The following PEX14 variants were observed in gnomAD, a reference collection of about 807,000 sequenced individuals.
The protein encoded by PEX14 is peroxisomal biogenesis factor 14.
Under a neutral mutation model 49.5 loss-of-function variants are expected in PEX14, and 15 were observed. That is an observed-to-expected ratio of 0.30 (90% CI 0.20 to 0.47). The LOEUF (loss-of-function observed/expected upper bound fraction) is 0.47. PEX14 is among the 20% of genes least tolerant of loss of function. The probability of loss-of-function intolerance (pLI) is 1.00; values close to 1 mark genes in which losing one functional copy is unlikely to be tolerated. For missense variants in PEX14, 398 were observed against 494.8 expected (o/e 0.80, Z 1.86); for synonymous variants, 210 against 212.7 (o/e 0.99, Z 0.11).
chr1:10,554,720 C>CTTTTTT (rs58060040), intron 3 of PEX14, among the ~76,000 whole-genome samples: 1 of 148,890 alleles, frequency 6.7e-6, no homozygotes, highest in Non-Finnish European at 1.5e-5. Flanking sequence ...GCTTTTTTTT[C>CTTTTTT]TTTTTTTTTT....
At chr1:10,485,115 TGTGA>T (rs1439913449) in intron 1 of PEX14, among the ~76,000 whole-genome samples, 2 of 151,638 alleles carry the variant, frequency 1.3e-5, no homozygotes, top group African/African-American at 2.4e-5. Flanking sequence ...TCTGGGCTAC[TGTGA>T]GTATTTGTGT....
intron 3 of PEX14, among the ~76,000 whole-genome samples, chr1:10,549,937 C>T (rs976310891): frequency 6.6e-6 from 1 of 152,102 alleles, no homozygotes; most frequent in African/African-American, 2.4e-5. Flanking sequence ...TTCATTCATC[C>T]ACCACCCATC....
rs1247393766 is a variant in PEX14 at position 10,512,566 on chromosome 1, C to T, written c.84+17245C>T. Among the ~76,000 whole-genome samples the T allele has an allele frequency of 6.6e-6, 1 of 152,140 alleles. No individual in the cohort carries two copies. Among genetic ancestry groups the T allele is most frequent in the Non-Finnish European group, 1.5e-5 (1 of 68,040 alleles). On this transcript the variant is annotated intron_variant, in intron 2 of 8. Coordinates refer to ENST00000356607, the MANE Select transcript of PEX14 (RefSeq NM_004565.3). The surrounding 1 kb of genome is among the most constrained non-coding windows in gnomAD (Gnocchi z 4.6). ...CTGCACTGGCGTCGGTGGTTATATT[C>T]CACATTTGTCAAATCCTTAAATCCA... is the stretch of plus-strand genomic sequence containing the variant.
At chr1:10,506,680 T>C (rs982235748) in intron 2 of PEX14, among the ~76,000 whole-genome samples, 1 of 152,228 alleles carries the variant, frequency 6.6e-6, no homozygotes. Context: ...TCAAATTAGG[T>C]GTGAGCGAGA....
intron 3 of PEX14, among the ~76,000 whole-genome samples, chr1:10,543,474 C>T (rs1420332023): frequency 6.6e-6 from 1 of 152,004 alleles, no homozygotes; most frequent in African/African-American, 2.4e-5. Context: ...GCAGTGGGCA[C>T]AGAGAGAAAA....
At chr1:10,517,739 C>T (rs1182976187) in intron 2 of PEX14, among the ~76,000 whole-genome samples, 1 of 148,238 alleles carries the variant, frequency 6.7e-6, no homozygotes, top group Non-Finnish European at 1.5e-5. Context: ...GAGAGGCTAG[C>T]ATTGTCAGAG....
chr1:10,614,346 T>A (rs1641352457), intron 4 of PEX14, among the ~76,000 whole-genome samples: 1 of 152,142 alleles, frequency 6.6e-6, no homozygotes, highest in Non-Finnish European at 1.5e-5. Context: ...TCATTAATAA[T>A]GAAAACCAGG....
At position 10,623,801 on chromosome 1, in the gene PEX14, G is replaced by A. The variant is rs919417943; in HGVS notation, c.488-539G>A. 6.6e-6 allele frequency among the ~76,000 whole-genome samples: 1 copy of A among 152,232 alleles called. No individual in the cohort carries two copies. Among genetic ancestry groups the A allele is most frequent in the African/African-American group, 2.4e-5 (1 of 41,456 alleles). On this transcript the variant is annotated intron_variant, in intron 6 of 8. Coordinates refer to ENST00000356607, the MANE Select transcript of PEX14 (RefSeq NM_004565.3). The surrounding 1 kb of genome is among the most constrained non-coding windows in gnomAD (Gnocchi z 4.4). ...ATCCTGCTGCCGTTTGCTCCTGCGA[G>A]GCTGACATTGGTGGCAACAAGGTCC...
intron 4 of PEX14, among the ~76,000 whole-genome samples, chr1:10,611,186 C>T (rs895055845): frequency 1.3e-5 from 2 of 152,072 alleles, no homozygotes; most frequent in Non-Finnish European, 2.9e-5. Flanking sequence ...TCACTTGAAC[C>T]CAGGAGGTAC....
chr1:10,564,177 T>C (rs74617757), intron 3 of PEX14, among the ~76,000 whole-genome samples: 1 of 4,646 alleles, frequency 2.2e-4, no homozygotes, highest in Non-Finnish European at 3.6e-3. Flanking sequence ...TTATTAATTA[T>C]TCTCTCTTAA....
chr1:10,565,053 A>G lies in PEX14; in HGVS notation c.169+28756A>G, dbSNP rs867197920. 2.0e-5 allele frequency among the ~76,000 whole-genome samples: 3 copies of G among 151,846 alleles called. No homozygotes were observed. In the South Asian group the frequency reaches 6.2e-4, roughly 32 times the overall value. ...CAAGTAGTTGGGACTACAGGTGTGC[A>G]CCACCACACCCGACTAATTTTTATA... On this transcript the variant is annotated intron_variant, in intron 3 of 8. Transcript: ENST00000356607.
chr1:10,601,414 G>A (rs566144838), intron 4 of PEX14, among the ~76,000 whole-genome samples: 8 of 152,318 alleles, frequency 5.3e-5, no homozygotes, highest in African/African-American at 1.9e-4. Flanking sequence ...GCTGCAGCTA[G>A]GCAGGTGTGA....
chr1:10,535,990 G>C (rs1221789576), intron 2 of PEX14: 1 of 531,334 alleles, frequency 1.9e-6, no homozygotes, highest in Non-Finnish European at 3.4e-6. Flanking sequence ...GCTCGGCAGA[G>C]GGATTAGATT....
At chr1:10,542,732 G>T (rs1322443559) in intron 3 of PEX14, among the ~76,000 whole-genome samples, 1 of 146,840 alleles carries the variant, frequency 6.8e-6, no homozygotes, top group Non-Finnish European at 1.5e-5. Flanking sequence ...CCGCACTCCA[G>T]CCTGGGTGAC....
At chr1:10,544,119 GT>G (rs1329868789) in intron 3 of PEX14, among the ~76,000 whole-genome samples, 1 of 152,182 alleles carries the variant, frequency 6.6e-6, no homozygotes, top group African/African-American at 2.4e-5. Flanking sequence ...CTATCACATA[GT>G]TGATTTTTTC....
At chr1:10,609,815 G>A (rs1247800813) in intron 4 of PEX14, among the ~76,000 whole-genome samples, 1 of 152,098 alleles carries the variant, frequency 6.6e-6, no homozygotes, top group Non-Finnish European at 1.5e-5. Context: ...AACCCGGGAG[G>A]CGGAGGTTGC....
chr1:10,500,373 CAAAAAAAAAAAAAA>C (rs750781683), intron 2 of PEX14, among the ~76,000 whole-genome samples: 6 of 43,680 alleles, frequency 1.4e-4, no homozygotes, highest in African/African-American at 2.8e-4. Context: ...GATTCTGTCT[CAAAAAAAAAAAAAA>C]AAAAAAAAAA....
At chr1:10,537,160 A>T (rs4240914) in intron 3 of PEX14, among the ~76,000 whole-genome samples, 149 of 152,166 alleles carry the variant, frequency 9.8e-4, no homozygotes, top group African/African-American at 3.3e-3. Flanking sequence ...GAAGGGATGC[A>T]GCATGAACCA....
intron 2 of PEX14, chr1:10,535,849 C>T: frequency 2.8e-6 from 1 of 355,888 alleles, no homozygotes; most frequent in Admixed American, 3.9e-5. Context: ...GAAAGGGAGG[C>T]CTTCCAGAAA....
Sources: allele counts gnomAD v4.1 joint callset (sites outside exome capture counted in the v4.1 genomes callset), GRCh38; gene constraint gnomAD v4.1.1; non-coding constraint Gnocchi (gnomAD v3.1); transcripts MANE v1.5; gene names NCBI Gene and HGNC (gene_info 2026-07-23, HGNC 2026-07-21).